Variants in SMAD7 observed in about 807,000 individuals in gnomAD.
The protein encoded by SMAD7 is SMAD family member 7.
In SMAD7, 8 loss-of-function variants were observed where a neutral mutation model predicts 38.7. The observed-to-expected ratio is 0.21, with a 90% CI of 0.12 to 0.37. The LOEUF (loss-of-function observed/expected upper bound fraction) is 0.37, where lower values mean the gene tolerates loss of function less well. SMAD7 is among the 10% of genes least tolerant of loss of function. The pLI is 1.00. For missense variants in SMAD7, 477 were observed against 577.9 expected (o/e 0.83, Z 1.79); for synonymous variants, 327 against 265.1 (o/e 1.23, Z -2.27).
chr18:48,950,583 G>C lies in SMAD7; in HGVS notation c.-159C>G, dbSNP rs2070252474. Reference sequence around the variant, plus strand: ...CAGGAGCGGCGGCGGCCCGAGGGGCGCTCCGTGGCATGCGCCAGTCTCCCG... The same window carrying C: ...CAGGAGCGGCGGCGGCCCGAGGGGCCCTCCGTGGCATGCGCCAGTCTCCCG... On this transcript the variant is annotated 5_prime_UTR_variant, in exon 1 of 4. Transcript: ENST00000262158. 1.8e-6 allele frequency: 1 copy of C among 560,416 alleles called. No homozygotes were observed. The highest frequency in any genetic ancestry group is 2.0e-5 in the African/African-American group (1 of 50,292). 34.7% of individuals were successfully genotyped at this position (560,416 alleles called of 1,614,324 possible).
chr18:48,929,076 A>G (rs1210202960), intron 3 of SMAD7, among the ~76,000 whole-genome samples: 2 of 141,452 alleles, frequency 1.4e-5, no homozygotes, highest in Admixed American at 7.3e-5. Context: ...GACCCAGCCA[A>G]CTCCATTCAT....
chr18:48,942,404 G>C (rs1568304577), intron 3 of SMAD7, 77 bp downstream of exon 3: 2 of 1,001,562 alleles, frequency 2.0e-6, no homozygotes, highest in Non-Finnish European at 1.5e-6. Flanking sequence ...GTGGCAGAAG[G>C]CCACCCCCAT....
At chr18:48,922,703 T>C (rs1385731483) in intron 3 of SMAD7, among the ~76,000 whole-genome samples, 1 of 151,752 alleles carries the variant, frequency 6.6e-6, no homozygotes, top group African/African-American at 2.4e-5. Flanking sequence ...GACAGAAGAT[T>C]ATGTGTCTCA....
chr18:48,936,968 TA>T (rs1366351465), intron 3 of SMAD7, among the ~76,000 whole-genome samples: 4 of 151,592 alleles, frequency 2.6e-5, no homozygotes, highest in Non-Finnish European at 1.5e-5. Context: ...GCAATCCAAC[TA>T]CTCAGAGGCT....
At chr18:48,932,120 T>C (rs558195617) in intron 3 of SMAD7, among the ~76,000 whole-genome samples, 2 of 151,642 alleles carry the variant, frequency 1.3e-5, no homozygotes, top group Non-Finnish European at 2.9e-5. Flanking sequence ...CATGAGGGGG[T>C]GGGGCAGGGC....
chr18:48,926,727 C>G (rs1459616046), intron 3 of SMAD7, among the ~76,000 whole-genome samples: 5 of 152,202 alleles, frequency 3.3e-5, no homozygotes, highest in African/African-American at 1.2e-4. Context: ...GTCCAGGGTC[C>G]TCCCTCCTCA....
intron 1 of SMAD7, 180 bp from the exon 2 acceptor site, chr18:48,948,617 T>A: frequency 2.3e-6 from 1 of 436,200 alleles, no homozygotes; most frequent in Non-Finnish European, 4.1e-6. Context: ...AGAGGCCGCC[T>A]GGCGCCAGCC....
intron 3 of SMAD7, among the ~76,000 whole-genome samples, chr18:48,929,567 T>A (rs201423032): frequency 0.023 from 1,402 of 61,744 alleles, 20 homozygotes; most frequent in South Asian, 0.18. Context: ...TCTCTCTCTC[T>A]CTCACTCACA....
intron 2 of SMAD7, among the ~76,000 whole-genome samples, chr18:48,943,027 T>G (rs985318810): frequency 9.2e-5 from 14 of 152,246 alleles, no homozygotes; most frequent in African/African-American, 3.4e-4. Flanking sequence ...GATGTTGGGC[T>G]GCCGGGACTT....
chr18:48,946,295 T>C lies in SMAD7; in HGVS notation c.667+2089A>G, dbSNP rs552156262. ...GAAACTGAAGAATGTAAATGGTCCA[T>C]GTAGATTCCCGGGCCAAACATTCTC... On this transcript the variant is annotated intron_variant, in intron 2 of 3. Transcript: ENST00000262158. Among the ~76,000 whole-genome samples the C allele has an allele frequency of 5.9e-5, 9 of 152,308 alleles. No homozygotes were observed. In the East Asian group the frequency reaches 1.4e-3, roughly 23 times the overall value.
chr18:48,933,020 C>G (rs1346376024), intron 3 of SMAD7, among the ~76,000 whole-genome samples: 13 of 152,176 alleles, frequency 8.5e-5, no homozygotes, highest in Admixed American at 8.5e-4. Context: ...CAGGTACTAC[C>G]AGGGTCTGGA....
At chr18:48,938,516 T>C (rs972732249) in intron 3 of SMAD7, among the ~76,000 whole-genome samples, 1 of 152,156 alleles carries the variant, frequency 6.6e-6, no homozygotes, top group Non-Finnish European at 1.5e-5. Context: ...TGGCTTCCAA[T>C]CCCTACCCTA....
rs775619167 is a variant in SMAD7 at position 48,920,999 on chromosome 18, C to T, written c.*373G>A. On this transcript the variant is annotated 3_prime_UTR_variant, in exon 4 of 4. Transcript: ENST00000262158. ...TCTCCCCATCTGCCGCTCCTGCACACGCGTGCACACACAGCCGCACACTCA... is the reference window on the plus strand; with the variant it reads ...TCTCCCCATCTGCCGCTCCTGCACATGCGTGCACACACAGCCGCACACTCA... The T allele has an allele frequency of 7.3e-5, 17 of 233,698 alleles. No homozygotes were observed. Among genetic ancestry groups the T allele is most frequent in the East Asian group, 3.4e-4 (3 of 8,766 alleles). 14.5% of individuals were successfully genotyped at this position (233,698 alleles called of 1,614,324 possible). A position where few individuals can be genotyped will look rare whatever the true frequency, so the allele number is the denominator to read the frequency against.
At chr18:48,922,483 A>C (rs2069873831) in intron 3 of SMAD7, among the ~76,000 whole-genome samples, 1 of 148,292 alleles carries the variant, frequency 6.7e-6, no homozygotes, top group Non-Finnish European at 1.5e-5. Flanking sequence ...CCAGCTCTCA[A>C]ATCAGTGCCG....
At chr18:48,935,876 C>T (rs1355862990) in intron 3 of SMAD7, among the ~76,000 whole-genome samples, 2 of 151,800 alleles carry the variant, frequency 1.3e-5, no homozygotes, top group East Asian at 1.9e-4. Flanking sequence ...GTTAGGAGTT[C>T]GAGACCAGTC....
intron 3 of SMAD7, among the ~76,000 whole-genome samples, chr18:48,937,307 T>TGTGTGTGTGTGTGTGTG (rs2070080977): frequency 6.8e-6 from 1 of 146,268 alleles, no homozygotes; most frequent in African/African-American, 2.5e-5. Context: ...TGTGTGTGTG[T>TGTGTGTGTGTGTGTGTG]AGGAAGTGAG....
chr18:48,924,823 A>T (rs1264421276), intron 3 of SMAD7, among the ~76,000 whole-genome samples: 1 of 152,192 alleles, frequency 6.6e-6, no homozygotes, highest in Non-Finnish European at 1.5e-5. Context: ...CAGCAAAACC[A>T]TTCGGCAACA....
At chr18:48,949,570 A>G (rs184616246) in intron 1 of SMAD7, among the ~76,000 whole-genome samples, 24 of 152,210 alleles carry the variant, frequency 1.6e-4, no homozygotes, top group Admixed American at 5.2e-4. Flanking sequence ...AACACAGGAG[A>G]AAACCTGGAA....
chr18:48,938,327 T>C (rs2070095018), intron 3 of SMAD7, among the ~76,000 whole-genome samples: 2 of 151,840 alleles, frequency 1.3e-5, no homozygotes, highest in Admixed American at 6.6e-5. Context: ...AAGCAAAGAG[T>C]TGGCCACCCT....
Sources: allele counts gnomAD v4.1 joint callset (sites outside exome capture counted in the v4.1 genomes callset), GRCh38; gene constraint gnomAD v4.1.1; transcripts MANE v1.5; gene names NCBI Gene and HGNC (gene_info 2026-07-23, HGNC 2026-07-21).